TIAM1: variants seen among roughly 807,000 people sequenced by gnomAD.
TIAM1 encodes the protein TIAM Rac1 associated GEF 1, also known as rho guanine nucleotide exchange factor TIAM1.
A neutral mutation model predicts 163.5 loss-of-function variants in TIAM1; 65 were observed. The observed-to-expected ratio is 0.40, with a 90% confidence interval of 0.33 to 0.49. The LOEUF is 0.49. TIAM1 is among the 20% of genes least tolerant of loss of function. The pLI is 0.77. For missense variants in TIAM1, 1,789 were observed against 2,044.7 expected, an observed-to-expected ratio of 0.87 and a Z score of 2.41; for synonymous variants, 833 against 810.1, an observed-to-expected ratio of 1.03 and a Z score of -0.48.
chr21:31,121,674 C>G (rs2082005968), intron 27 of TIAM1, among the ~76,000 whole-genome samples: 1 of 152,120 alleles, frequency 6.6e-6, no homozygotes, highest in Non-Finnish European at 1.5e-5. Flanking sequence ...AATAAAAAAC[C>G]GATGACATCC....
intron 6 of TIAM1, 131 bp from the exon 7 acceptor site, chr21:31,226,081 A>T: frequency 1.4e-6 from 1 of 704,926 alleles, no homozygotes; most frequent in Non-Finnish European, 2.3e-6. Flanking sequence ...GGATAAGAAT[A>T]ACCTGACCTC....
intron 2 of TIAM1, among the ~76,000 whole-genome samples, chr21:31,357,361 G>A (rs879665344): frequency 8.5e-5 from 13 of 152,120 alleles, no homozygotes; most frequent in Non-Finnish European, 1.5e-4. Context: ...ACTTCTCTGA[G>A]AAAAATGAAG....
intron 1 of TIAM1, among the ~76,000 whole-genome samples, chr21:31,478,971 A>C (rs562577976): frequency 6.6e-6 from 1 of 152,382 alleles, no homozygotes; most frequent in South Asian, 2.1e-4. Flanking sequence ...TAGATTCTGA[A>C]ACTATCTGCT....
chr21:31,318,095 G>T (rs2075189048), intron 2 of TIAM1, among the ~76,000 whole-genome samples: 1 of 152,098 alleles, frequency 6.6e-6, no homozygotes, highest in Admixed American at 6.6e-5. Flanking sequence ...GCAGAAAGAG[G>T]ATCAAATTCT....
chr21:31,224,567 G>A (rs942769412), intron 7 of TIAM1, among the ~76,000 whole-genome samples: 9 of 152,212 alleles, frequency 5.9e-5, no homozygotes, highest in Non-Finnish European at 1.2e-4. Context: ...GGGCAGAGAG[G>A]AGCAACTGCT....
At chr21:31,222,723 T>A (rs1466224275) in intron 8 of TIAM1, among the ~76,000 whole-genome samples, 7 of 108,662 alleles carry the variant, frequency 6.4e-5, no homozygotes, top group African/African-American at 3.3e-4. Flanking sequence ...TTTTTTTTTT[T>A]TTTTTTTTTT....
At chr21:31,353,022 T>C (rs1250574223) in intron 2 of TIAM1, among the ~76,000 whole-genome samples, 1 of 152,186 alleles carries the variant, frequency 6.6e-6, no homozygotes, top group East Asian at 1.9e-4. Flanking sequence ...TTGTAAGAGA[T>C]AAAATGACAT....
chr21:31,189,253 T>C (rs1199193196), intron 13 of TIAM1, among the ~76,000 whole-genome samples: 1 of 151,214 alleles, frequency 6.6e-6, no homozygotes, highest in Non-Finnish European at 1.5e-5. Flanking sequence ...TGGGGTTCCG[T>C]CATGCTGGCC....
intron 1 of TIAM1, among the ~76,000 whole-genome samples, chr21:31,545,883 A>T (rs918174626): frequency 6.6e-6 from 1 of 152,116 alleles, no homozygotes; most frequent in African/African-American, 2.4e-5. Flanking sequence ...AGAAAATATG[A>T]CTTTGGGGGG....
At chr21:31,340,667 C>T (rs1266586894) in intron 1 of TIAM1, among the ~76,000 whole-genome samples, 1 of 152,084 alleles carries the variant, frequency 6.6e-6, no homozygotes, top group Non-Finnish European at 1.5e-5. Flanking sequence ...GACCAGCTTC[C>T]AAGTTAAATT....
intron 7 of TIAM1, 51 bp downstream of exon 7, chr21:31,225,675 T>A: frequency 4.9e-6 from 7 of 1,421,594 alleles, no homozygotes; most frequent in Non-Finnish European, 5.8e-6. Context: ...AAAAAAACCC[T>A]TTTAGAGACC....
intron 2 of TIAM1, among the ~76,000 whole-genome samples, chr21:31,377,839 A>C (rs80054229): frequency 6.8e-6 from 1 of 147,790 alleles, no homozygotes; most frequent in African/African-American, 2.5e-5. Context: ...AGGAATAAGA[A>C]AAAAAAAAAA....
At chr21:31,423,861 GGC>G (rs369292836) in intron 2 of TIAM1, among the ~76,000 whole-genome samples, 63 of 101,438 alleles carry the variant, frequency 6.2e-4, no homozygotes, top group African/African-American at 2.5e-3. Flanking sequence ...TATCGGGGGG[GGC>G]GGGGGGGGGG....
chr21:31,374,650 C>A (rs562931269), intron 2 of TIAM1, among the ~76,000 whole-genome samples: 36 of 152,318 alleles, frequency 2.4e-4, no homozygotes, highest in Middle Eastern at 6.8e-3. Flanking sequence ...ACCCATCACG[C>A]TGCTCCTGCA....
rs1373144898 is a variant in TIAM1 at position 31,210,589 on chromosome 21, AGAAAGAGAGAAAGAAG to A, written c.2218-390_2218-375del. Among the ~76,000 whole-genome samples the A allele has an allele frequency of 1.5e-4, 17 of 116,324 alleles. 1 individual carries two copies. The highest frequency in any genetic ancestry group is 8.1e-4 in the African/African-American group (17 of 21,102). The allele number at this position is 116,324 out of a possible 152,430, so 76.3% of individuals were successfully genotyped here. ...AAGAAAGAAAGAAAGAAAGAAAGAA[AGAAAGAGAGAAAGAAG>A]GAAGGAAGGGAGAAAGAAAGAAAGA... On this transcript the variant is annotated intron_variant, in intron 10 of 27. Transcript: ENST00000541036.
chr21:31,439,458 T>C (rs555115339), intron 2 of TIAM1, among the ~76,000 whole-genome samples: 1 of 152,184 alleles, frequency 6.6e-6, no homozygotes, highest in Admixed American at 6.5e-5. Context: ...TCCAGCTAAT[T>C]TTTGTATTTT....
intron 2 of TIAM1, among the ~76,000 whole-genome samples, chr21:31,296,915 G>C (rs1327605172): frequency 6.6e-6 from 1 of 152,088 alleles, no homozygotes; most frequent in African/African-American, 2.4e-5. Context: ...CGCCCGCCTT[G>C]GCCTCCCAAA....
intron 14 of TIAM1, among the ~76,000 whole-genome samples, chr21:31,184,641 G>A (rs1043911951): frequency 5.9e-5 from 9 of 152,018 alleles, no homozygotes; most frequent in Admixed American, 1.3e-4. Context: ...CCCCACCCCC[G>A]TGCCACGCAA....
At chr21:31,186,960 G>A (rs1568991069) in intron 14 of TIAM1, 41 bp downstream of exon 14, 3 of 1,544,292 alleles carry the variant, frequency 1.9e-6, no homozygotes, top group Non-Finnish European at 2.7e-6. Context: ...GCCCCAAAGG[G>A]CATTTAAGAC....
Sources: gnomAD v4.1 joint callset for allele counts (sites outside exome capture counted in the v4.1 genomes callset) on GRCh38, gnomAD v4.1.1 for gene constraint, MANE v1.5 for transcripts, NCBI Gene and HGNC (gene_info 2026-07-23, HGNC 2026-07-21) for gene names.